NEBL: variants seen among roughly 807,000 people sequenced by gnomAD.
NEBL encodes LIM and SH3 protein 2.
Under a neutral mutation model 140.2 loss-of-function variants are expected in NEBL, and 122 were observed. The ratio of observed to expected loss-of-function variants is 0.87; its 90% confidence interval spans 0.75 to 1.01. The LOEUF (loss-of-function observed/expected upper bound fraction) is 1.01. NEBL is among the 50% of genes least tolerant of loss of function. The pLI, the probability that NEBL is intolerant of heterozygous loss-of-function variation, is 0.00. For synonymous variants in NEBL, 436 were observed against 398.9 expected (o/e 1.09, Z -1.11); for missense variants, 1,365 against 1,231.3 (o/e 1.11, Z -1.62).
chr10:20,919,377 T>C (rs1008655732), intron 4 of NEBL, among the ~76,000 whole-genome samples: 12 of 152,220 alleles, frequency 7.9e-5, no homozygotes, highest in African/African-American at 2.4e-4. Context: ...AGCCCATTCA[T>C]AGGGTATCTC....
At chr10:20,859,479 A>G (rs1843436227) in intron 8 of NEBL, among the ~76,000 whole-genome samples, 1 of 152,064 alleles carries the variant, frequency 6.6e-6, no homozygotes, top group Non-Finnish European at 1.5e-5. Context: ...TCTTGAACAG[A>G]TATAATAACT....
Position 20,988,768 on chromosome 10 carries a change from C to T in NEBL, c.250-26989G>A, listed in dbSNP as rs1226775197. On this transcript the variant is annotated intron_variant, in intron 3 of 6. Coordinates refer to the NEBL transcript ENST00000417816. ...GAGCACACTGCAAGCAGATGTTTGT[C>T]CCACCACACCATGGAAACCACACTT... Among the ~76,000 whole-genome samples, 4 of 152,170 alleles carry T rather than the reference C, an allele frequency of 2.6e-5. No homozygotes were observed. The East Asian group carries it at 7.7e-4, about 29-fold the overall frequency.
intron 25 of NEBL, among the ~76,000 whole-genome samples, chr10:20,809,011 C>T (rs1263659276): frequency 1.3e-5 from 2 of 152,074 alleles, no homozygotes; most frequent in African/African-American, 2.4e-5. Context: ...GTATGTGTTG[C>T]CTTTTCTTTA....
intron 16 of NEBL, among the ~76,000 whole-genome samples, chr10:20,830,163 C>T (rs1840268687): frequency 6.6e-6 from 1 of 152,176 alleles, no homozygotes. Flanking sequence ...ACTCTGCCAT[C>T]TTGATACTAC....
At chr10:20,896,210 C>T (rs1847458814) in intron 2 of NEBL, among the ~76,000 whole-genome samples, 1 of 152,042 alleles carries the variant, frequency 6.6e-6, no homozygotes, top group Non-Finnish European at 1.5e-5. Context: ...CCTCTTAGAA[C>T]CGCTAATGAG....
At chr10:20,805,639 G>T (rs1006902411) in intron 26 of NEBL, among the ~76,000 whole-genome samples, 9 of 152,074 alleles carry the variant, frequency 5.9e-5, no homozygotes, top group African/African-American at 1.9e-4. Flanking sequence ...GAGCACTTGA[G>T]ATCTGGAGTT....
upstream of NEBL, chr10:20,899,330 C>T: frequency 8.8e-7 from 1 of 1,136,638 alleles, no homozygotes; most frequent in Non-Finnish European, 1.2e-6. Context: ...TTTGAGGAGA[C>T]AGTACTGGTG....
chr10:20,853,176 A>AT (rs1396029981), intron 9 of NEBL, among the ~76,000 whole-genome samples: 2 of 152,228 alleles, frequency 1.3e-5, no homozygotes, highest in Non-Finnish European at 2.9e-5. Context: ...ATAAGCAACT[A>AT]TTGTTCCTAA....
In NEBL at chr10:20,988,480, C is replaced by A. The variant is rs550374202; in HGVS notation, c.250-26701G>T. Among the ~76,000 whole-genome samples the A allele has an allele frequency of 2.0e-5, 3 of 152,252 alleles. No homozygotes were observed. In the South Asian group the frequency reaches 6.2e-4, roughly 32 times the overall value. On this transcript the variant is annotated intron_variant, in intron 3 of 6. Coordinates refer to the NEBL transcript ENST00000417816. ...CCTTGTCTCTGTTTCAACAGATGAA[C>A]TGTCCTGGCTCCTAGCTAAAGCCAA... is the stretch of plus-strand genomic sequence containing the variant.
At chr10:21,260,510 G>A (rs1842724676) in intron 1 of NEBL, among the ~76,000 whole-genome samples, 1 of 152,144 alleles carries the variant, frequency 6.6e-6, no homozygotes, top group Non-Finnish European at 1.5e-5. Context: ...GCTCTAGGAT[G>A]CTGAGTTATA....
chr10:21,197,867 A>G (rs1841675692), intron 3 of NEBL, among the ~76,000 whole-genome samples: 1 of 152,096 alleles, frequency 6.6e-6, no homozygotes. Context: ...TGTCCTGATG[A>G]TTTCATCTTC....
At chr10:21,285,932 A>G (rs1843049113) in intron 1 of NEBL, among the ~76,000 whole-genome samples, 1 of 152,162 alleles carries the variant, frequency 6.6e-6, no homozygotes. Flanking sequence ...TCCACTGTCC[A>G]GGGTCTTAAT....
Position 21,200,308 on chromosome 10 carries a change from C to CTTTTTTTTT in NEBL, n.349-27840_349-27832dup, listed in dbSNP as rs10671099. ...GTGTGAAGTGACATATTCCAAGGGA[C>CTTTTTTTTT]TTTTTTTTTTTTTTTTTTTTTTTGA... On this transcript the variant is annotated intron_variant and non_coding_transcript_variant, in intron 3 of 8. Transcript: ENST00000675702. Among the ~76,000 whole-genome samples, 14 of 81,964 alleles carry CTTTTTTTTT rather than the reference C, an allele frequency of 1.7e-4. 1 individual carries two copies. The highest frequency in any genetic ancestry group is 4.1e-4 in the African/African-American group (8 of 19,332). The allele number at this position is 81,964 out of a possible 152,430, so 53.8% of individuals were successfully genotyped here. A position where few individuals can be genotyped will look rare whatever the true frequency, so the allele number is the denominator to read the frequency against.
At chr10:20,851,841 T>G (rs1032978798) in intron 10 of NEBL, among the ~76,000 whole-genome samples, 16 of 152,120 alleles carry the variant, frequency 1.1e-4, no homozygotes, top group Non-Finnish European at 5.9e-5. Flanking sequence ...AGAAATGATG[T>G]ATATTTCCAA....
intron 3 of NEBL, among the ~76,000 whole-genome samples, chr10:20,980,942 A>C (rs1031913332): frequency 6.6e-6 from 1 of 152,144 alleles, no homozygotes; most frequent in Non-Finnish European, 1.5e-5. Flanking sequence ...TCAGAGTCTC[A>C]TCTAACATTT....
At position 20,817,700 on chromosome 10, in the gene NEBL, G is replaced by C. The variant is rs776696922; in HGVS notation, c.2056-8C>G. The stretch of plus-strand genomic sequence containing the variant: ...TTCTCCCTTATATTTTACCTAAGAA[G>C]GATAAATAAGAACTTTAACAGATAG... On this transcript the variant is annotated splice_polypyrimidine_tract_variant and splice_region_variant and intron_variant, in intron 20 of 27. Coordinates refer to ENST00000377122, the MANE Select transcript of NEBL (RefSeq NM_006393.3). The C allele has an allele frequency of 6.3e-7, 1 of 1,598,200 alleles. No individual in the cohort carries two copies. The highest frequency in any genetic ancestry group is 8.6e-7 in the Non-Finnish European group (1 of 1,165,678).
chr10:20,881,782 C>T (rs951623530), intron 4 of NEBL, among the ~76,000 whole-genome samples: 4 of 151,924 alleles, frequency 2.6e-5, no homozygotes, highest in Admixed American at 6.6e-5. Context: ...GAATGAATAA[C>T]TAAAAGAATG....
At chr10:21,094,371 A>G (rs577772539) in intron 2 of NEBL, among the ~76,000 whole-genome samples, 10 of 152,120 alleles carry the variant, frequency 6.6e-5, no homozygotes, top group East Asian at 5.8e-4. Flanking sequence ...GTGCAGTGGC[A>G]GGCGCCTGTA....
In NEBL at chr10:21,173,706, G is replaced by T. The variant is rs189864240; in HGVS notation, c.69+59C>A. On this transcript the variant is annotated intron_variant, in intron 1 of 6. Transcript: ENST00000417816. This position sits in a 1 kb window ranked among gnomAD's most constrained non-coding sequence, Gnocchi z 5.7. ...TCCATCCCAGGTGCCAAAACTTCTC[G>T]AAGCAGGTGCAGCCCCTCGCCCGGC... 5 of 1,608,804 alleles carry T rather than the reference G, an allele frequency of 3.1e-6. No homozygotes were observed. The African/African-American group carries it at 6.7e-5, about 22-fold the overall frequency.
Sources: allele counts gnomAD v4.1 joint callset (sites outside exome capture counted in the v4.1 genomes callset), GRCh38; gene constraint gnomAD v4.1.1; non-coding constraint Gnocchi (gnomAD v3.1); transcripts MANE v1.5; gene names NCBI Gene and HGNC (gene_info 2026-07-23, HGNC 2026-07-21).